PHACTR2: variants seen among roughly 807,000 people sequenced by gnomAD.
PHACTR2 encodes phosphatase and actin regulator 2.
Under a neutral mutation model 76.0 loss-of-function variants are expected in PHACTR2, and 30 were observed. The observed-to-expected ratio is 0.39, with a 90% CI of 0.30 to 0.54. The LOEUF is 0.54. Ranked by LOEUF, PHACTR2 falls within the 20% of genes least tolerant of loss-of-function variation. The pLI is 0.61. For missense variants in PHACTR2, 696 were observed against 781.1 expected, an observed-to-expected ratio of 0.89 and a Z score of 1.30; for synonymous variants, 292 against 292.5, an observed-to-expected ratio of 1.00 and a Z score of 0.02.
At position 143,822,486 on chromosome 6, in the gene PHACTR2, G is replaced by A. The variant is rs1157965429; in HGVS notation, c.1923-1188G>A. 2.6e-5 allele frequency among the ~76,000 whole-genome samples: 4 copies of A among 152,128 alleles called. No individual in the cohort carries two copies. The highest frequency in any genetic ancestry group is 3.9e-4 in the East Asian group (2 of 5,192). On this transcript the variant is annotated intron_variant, in intron 12 of 12. Coordinates refer to ENST00000440869, the MANE Select transcript of PHACTR2 (RefSeq NM_001100164.2). This position sits in a 1 kb window ranked among gnomAD's most constrained non-coding sequence, Gnocchi z 5.5. ...TCAAGACCAGCCTAGGTAACATAGC[G>A]AGACCCCCATATCTAATTAAAAATA...
intron 1 of PHACTR2, among the ~76,000 whole-genome samples, chr6:143,560,361 T>A (rs540017668): frequency 6.8e-4 from 104 of 152,360 alleles, no homozygotes; most frequent in South Asian, 2.1e-3. Context: ...TATTTGATTC[T>A]GTATCTTTAA....
Position 143,819,923 on chromosome 6 carries a change from G to A in PHACTR2, c.1923-3751G>A, listed in dbSNP as rs1203069526. 6.6e-6 allele frequency among the ~76,000 whole-genome samples: 1 copy of A among 152,180 alleles called. No individual in the cohort carries two copies. Among genetic ancestry groups the A allele is most frequent in the Admixed American group, 6.5e-5 (1 of 15,272 alleles). ...TAATTGGCTCACAGTTCTGCAGGCT[G>A]TACAGGAAGCATAGCAGCATCTGCT... On this transcript the variant is annotated intron_variant, in intron 12 of 12. Coordinates refer to ENST00000440869, the MANE Select transcript of PHACTR2 (RefSeq NM_001100164.2). This position sits in a 1 kb window ranked among gnomAD's most constrained non-coding sequence, Gnocchi z 5.0.
In PHACTR2 at chr6:143,596,059, A is replaced by G. The variant is rs1455365136; in HGVS notation, c.217+58852A>G. Among the ~76,000 whole-genome samples the G allele has an allele frequency of 6.6e-6, 1 of 152,230 alleles. No individual in the cohort carries two copies. Among genetic ancestry groups the G allele is most frequent in the Non-Finnish European group, 1.5e-5 (1 of 68,038 alleles). ...CACTTGAGAATGATTCAGTTGGCGGAGATTCTATAAATTTAGATAATTTAC... is the reference window on the plus strand; with the variant it reads ...CACTTGAGAATGATTCAGTTGGCGGGGATTCTATAAATTTAGATAATTTAC... On this transcript the variant is annotated intron_variant, in intron 1 of 11. Coordinates refer to the PHACTR2 transcript ENST00000367584. This position sits in a 1 kb window ranked among gnomAD's most constrained non-coding sequence, Gnocchi z 4.6.
At chr6:143,552,849 C>G (rs1349652302) in intron 1 of PHACTR2, among the ~76,000 whole-genome samples, 2 of 144,102 alleles carry the variant, frequency 1.4e-5, no homozygotes, top group Non-Finnish European at 3.0e-5. Context: ...TGCCACTGCA[C>G]TCCAGCCTTG....
At chr6:143,545,244 C>G (rs190871934) in intron 1 of PHACTR2, among the ~76,000 whole-genome samples, 28 of 152,260 alleles carry the variant, frequency 1.8e-4, no homozygotes, top group Admixed American at 2.6e-4. Context: ...TGCTCCTGGC[C>G]TGTTTTTGTT....
At chr6:143,606,195 G>T (rs1373678491), upstream of PHACTR2, among the ~76,000 whole-genome samples, 2 of 152,158 alleles carry the variant, frequency 1.3e-5, no homozygotes, top group Non-Finnish European at 2.9e-5. Flanking sequence ...AATAAGTAAA[G>T]ATTTTTAATA....
At chr6:143,545,045 G>C (rs773533727) in intron 1 of PHACTR2, among the ~76,000 whole-genome samples, 20 of 152,000 alleles carry the variant, frequency 1.3e-4, no homozygotes, top group Non-Finnish European at 2.4e-4. Flanking sequence ...CCATGTTCAA[G>C]CGATTCTCCC....
At chr6:143,798,378 A>G (rs908831084) in intron 11 of PHACTR2, among the ~76,000 whole-genome samples, 12 of 152,172 alleles carry the variant, frequency 7.9e-5, no homozygotes, top group African/African-American at 2.9e-4. Flanking sequence ...TTCCTATTTG[A>G]ATACCTTTTA....
rs12190134 is a variant in PHACTR2 at position 143,548,057 on chromosome 6, T to G, written c.217+10850T>G. Among the ~76,000 whole-genome samples the G allele has an allele frequency of 0.33, 50,674 of 152,004 alleles. 8,949 individuals are homozygous for G. The highest frequency in any genetic ancestry group is 0.4 in the Non-Finnish European group (26,919 of 67,954). On this transcript the variant is annotated intron_variant, in intron 1 of 11. Coordinates refer to the PHACTR2 transcript ENST00000367584. This position sits in a 1 kb window ranked among gnomAD's most constrained non-coding sequence, Gnocchi z 4.5. ...GGTTGGCTTATAAATAAGAGAAGTT[T>G]ATTTCTCTTATTATGTCTCACAGTT...
chr6:143,805,180 A>G (rs759399452), intron 11 of PHACTR2, among the ~76,000 whole-genome samples: 1 of 152,122 alleles, frequency 6.6e-6, no homozygotes, highest in Non-Finnish European at 1.5e-5. Flanking sequence ...CACTATTCAA[A>G]TTAAAATACC....
rs768625312 is a variant in PHACTR2 at position 143,608,691 on chromosome 6, G to C, written c.13+369G>C. Among the ~76,000 whole-genome samples, 5 of 152,186 alleles carry C rather than the reference G, an allele frequency of 3.3e-5. No homozygotes were observed. The highest frequency in any genetic ancestry group is 7.3e-5 in the Non-Finnish European group (5 of 68,040). ...GTAGATGGAATTAAGTTAATGAGCT[G>C]AGCAAAAATTCTGTGTAAATATTAC... On this transcript the variant is annotated intron_variant, in intron 1 of 11. Transcript: ENST00000305766. The surrounding 1 kb of genome is among the most constrained non-coding windows in gnomAD (Gnocchi z 4.6).
intron 10 of PHACTR2, among the ~76,000 whole-genome samples, chr6:143,786,206 AC>A (rs1775553456): frequency 6.6e-6 from 1 of 152,170 alleles, no homozygotes; most frequent in African/African-American, 2.4e-5. Flanking sequence ...TCTGCCAGAT[AC>A]CCTAAATCAT....
chr6:143,823,718 A>G lies in PHACTR2; in HGVS notation c.*29A>G, dbSNP rs777805182. ...AGAGTGAGACTATTTGGAAACAGAG[A>G]CTGATCATCTTTGGGGGAAGCCCTG... On this transcript the variant is annotated 3_prime_UTR_variant, in exon 13 of 13. Coordinates refer to ENST00000440869, the MANE Select transcript of PHACTR2 (RefSeq NM_001100164.2). This position sits in a 1 kb window ranked among gnomAD's most constrained non-coding sequence, Gnocchi z 5.7. 8 of 1,588,774 alleles carry G rather than the reference A, an allele frequency of 5.0e-6. No individual in the cohort carries two copies. The highest frequency in any genetic ancestry group is 2.6e-6 in the Non-Finnish European group (3 of 1,157,104).
rs1775489827 is a variant in PHACTR2, at chr6:143,783,912, T to C, written c.1707+632T>C. On this transcript the variant is annotated intron_variant, in intron 10 of 12. Coordinates refer to ENST00000440869, the MANE Select transcript of PHACTR2 (RefSeq NM_001100164.2). The surrounding 1 kb of genome is among the most constrained non-coding windows in gnomAD (Gnocchi z 5.2). ...GGCACGCACCTGTAGTCCCAGCTAC[T>C]TGGAAGCTGAGGCAGGAGGATTGCT... Among the ~76,000 whole-genome samples the C allele has an allele frequency of 6.6e-6, 1 of 152,160 alleles. No homozygotes were observed. The highest frequency in any genetic ancestry group is 6.5e-5 in the Admixed American group (1 of 15,282).
chr6:143,567,129 A>G (rs1294988153), intron 1 of PHACTR2, among the ~76,000 whole-genome samples: 1 of 152,060 alleles, frequency 6.6e-6, no homozygotes, highest in East Asian at 1.9e-4. Context: ...TCACTGTAAC[A>G]CTTTCACTTC....
At chr6:143,564,165 G>T (rs1775323669) in intron 1 of PHACTR2, among the ~76,000 whole-genome samples, 1 of 103,514 alleles carries the variant, frequency 9.7e-6, no homozygotes, top group Non-Finnish European at 2.0e-5. Flanking sequence ...ATGTGTGTGT[G>T]CATATATGTG....
rs1427278661 is a variant in PHACTR2 at position 143,570,475 on chromosome 6, A to T, written c.217+33268A>T. Among the ~76,000 whole-genome samples, 1 of 152,226 alleles carries T rather than the reference A, an allele frequency of 6.6e-6. No individual in the cohort carries two copies. Among genetic ancestry groups the T allele is most frequent in the Non-Finnish European group, 1.5e-5 (1 of 68,038 alleles). ...AATATTATTGTTTTTGGGGGGTGAC[A>T]TCGACTGCATTTCAAATACAGCCAT... is the stretch of plus-strand genomic sequence containing the variant. On this transcript the variant is annotated intron_variant, in intron 1 of 11. Coordinates refer to the PHACTR2 transcript ENST00000367584. This position sits in a 1 kb window ranked among gnomAD's most constrained non-coding sequence, Gnocchi z 4.6.
chr6:143,614,185 G>T (rs1382813881), intron 1 of PHACTR2, among the ~76,000 whole-genome samples: 1 of 152,208 alleles, frequency 6.6e-6, no homozygotes, highest in African/African-American at 2.4e-5. Context: ...CCACGCCATT[G>T]CACTCCAGCC....
chr6:143,674,288 A>G (rs1464853994), upstream of PHACTR2, among the ~76,000 whole-genome samples: 1 of 152,172 alleles, frequency 6.6e-6, no homozygotes, highest in Non-Finnish European at 1.5e-5. The surrounding 1 kb of genome is among the most constrained non-coding windows in gnomAD (Gnocchi z 4.9). Flanking sequence ...TTGAAGACAT[A>G]CAAAGTTTTT....
Sources: allele counts gnomAD v4.1 joint callset (sites outside exome capture counted in the v4.1 genomes callset), GRCh38; gene constraint gnomAD v4.1.1; non-coding constraint Gnocchi (gnomAD v3.1); transcripts MANE v1.5; gene names NCBI Gene and HGNC (gene_info 2026-07-23, HGNC 2026-07-21).